FAM13C: variants seen among roughly 807,000 people sequenced by gnomAD.
The protein encoded by FAM13C is family with sequence similarity 13 member C.
A neutral mutation model predicts 73.2 loss-of-function variants in FAM13C; 37 were observed. The ratio of observed to expected loss-of-function variants is 0.51; its 90% CI spans 0.39 to 0.67. The LOEUF (loss-of-function observed/expected upper bound fraction) is 0.67. Among genes scored for constraint, FAM13C ranks in the 30% least tolerant of loss-of-function variants. The pLI is 0.00. For synonymous variants in FAM13C, 246 were observed against 260.9 expected (o/e 0.94, Z 0.55); for missense variants, 589 against 715.6 (o/e 0.82, Z 2.02).
chr10:59,291,292 G>A (rs960853120), intron 5 of FAM13C, among the ~76,000 whole-genome samples: 1 of 152,206 alleles, frequency 6.6e-6, no homozygotes, highest in Non-Finnish European at 1.5e-5. Context: ...AACACAGTGG[G>A]ACTTCTCCCA....
chr10:59,257,550 T>C (rs1203455217), intron 10 of FAM13C, among the ~76,000 whole-genome samples: 1 of 152,216 alleles, frequency 6.6e-6, no homozygotes, highest in Non-Finnish European at 1.5e-5. Context: ...CATTCTCTTC[T>C]CTGGACAGTG....
chr10:59,339,459 TAGGATGG>T (rs1422281519), intron 3 of FAM13C, among the ~76,000 whole-genome samples: 2 of 152,162 alleles, frequency 1.3e-5, no homozygotes, highest in African/African-American at 2.4e-5. Flanking sequence ...GAAAACTCAT[TAGGATGG>T]AATCCAAGGC....
At chr10:59,304,023 C>T (rs1847920152) in intron 4 of FAM13C, among the ~76,000 whole-genome samples, 1 of 152,102 alleles carries the variant, frequency 6.6e-6, no homozygotes, top group South Asian at 2.1e-4. Flanking sequence ...TGGCAGGCAC[C>T]TGTAGTCCCA....
intron 4 of FAM13C, among the ~76,000 whole-genome samples, chr10:59,315,253 AC>A (rs1171830662): frequency 1.3e-5 from 2 of 152,176 alleles, no homozygotes; most frequent in African/African-American, 4.8e-5. Flanking sequence ...CCCCAAAATT[AC>A]CACCACTAAA....
At chr10:59,312,423 C>T (rs529049186) in intron 4 of FAM13C, among the ~76,000 whole-genome samples, 150 of 152,268 alleles carry the variant, frequency 9.9e-4, no homozygotes, top group African/African-American at 3.3e-3. Flanking sequence ...TCTTCATTGT[C>T]ACCAGCACCT....
intron 9 of FAM13C, 34 bp from the exon 10 acceptor site, chr10:59,262,679 G>A: frequency 6.4e-7 from 1 of 1,563,578 alleles, no homozygotes; most frequent in Non-Finnish European, 8.8e-7. Flanking sequence ...CATAAGCAAA[G>A]AGAACCCACT....
intron 3 of FAM13C, among the ~76,000 whole-genome samples, chr10:59,346,206 G>GCAGAA (rs1854270251): frequency 2.9e-5 from 2 of 67,846 alleles, no homozygotes; most frequent in Non-Finnish European, 7.4e-5. Flanking sequence ...GTAGGGGAGG[G>GCAGAA]TAGAAATGGC....
At position 59,324,024 on chromosome 10, in the gene FAM13C, G is replaced by T. The variant is rs753179946; in HGVS notation, c.407C>A (p.Ala136Asp). The part of the protein sequence containing the change: ...TPAHESPQNN[A>D]FKCQETVRLQ... Reference sequence around the variant, plus strand: ...TCGCACTGTTTCTTGGCACTTGAAGGCATTGTTTTGTGGACTCTCATGAGC... The same window carrying T: ...TCGCACTGTTTCTTGGCACTTGAAGTCATTGTTTTGTGGACTCTCATGAGC... The change falls in exon 4 of 14, where the codon GCC becomes GAC. Residue 136 changes from alanine (A) to aspartate (D), a missense_variant. Ala to Asp is a moderately radical substitution (Grantham distance 126). Coordinates refer to ENST00000618804, the MANE Select transcript of FAM13C (RefSeq NM_198215.4). The T allele has an allele frequency of 1.2e-6, 2 of 1,614,056 alleles. No homozygotes were observed. Among genetic ancestry groups the T allele is most frequent in the South Asian group, 1.1e-5 (1 of 91,082 alleles).
intron 3 of FAM13C, among the ~76,000 whole-genome samples, chr10:59,343,080 G>C (rs1284763045): frequency 6.6e-6 from 1 of 152,190 alleles, no homozygotes; most frequent in Non-Finnish European, 1.5e-5. Context: ...CACAGGTTCA[G>C]CTGGCATAAC....
chr10:59,280,652 G>C (rs1433665490), intron 6 of FAM13C, among the ~76,000 whole-genome samples: 1 of 152,186 alleles, frequency 6.6e-6, no homozygotes, highest in Non-Finnish European at 1.5e-5. Flanking sequence ...CATTGGAAAA[G>C]CTTCCTGGTA....
chr10:59,252,623 T>C (rs1841503989), intron 12 of FAM13C, among the ~76,000 whole-genome samples, 176 bp downstream of exon 12: 1 of 152,156 alleles, frequency 6.6e-6, no homozygotes, highest in African/African-American at 2.4e-5. Flanking sequence ...TACTACCAAG[T>C]GGATTTCTAG....
At chr10:59,352,827 T>C (rs1455205626) in intron 2 of FAM13C, among the ~76,000 whole-genome samples, 1 of 152,204 alleles carries the variant, frequency 6.6e-6, no homozygotes, top group Non-Finnish European at 1.5e-5. Context: ...GATATCATCA[T>C]CTCTACTTTA....
chr10:59,291,935 C>T (rs1407075266), intron 5 of FAM13C, among the ~76,000 whole-genome samples: 1 of 151,698 alleles, frequency 6.6e-6, no homozygotes, highest in Non-Finnish European at 1.5e-5. Flanking sequence ...ACTACAGGCG[C>T]CCACCATCAC....
chr10:59,253,259 T>C (rs1328366390), intron 11 of FAM13C, among the ~76,000 whole-genome samples: 1 of 152,226 alleles, frequency 6.6e-6, no homozygotes, highest in Non-Finnish European at 1.5e-5. Context: ...TCTGGGCCAA[T>C]GAAGGCACAG....
intron 6 of FAM13C, among the ~76,000 whole-genome samples, chr10:59,274,912 T>C (rs1179424555): frequency 2.6e-5 from 4 of 152,184 alleles, no homozygotes; most frequent in South Asian, 4.2e-4. Context: ...TTATCCATCA[T>C]AGTGTGGAAT....
chr10:59,352,726 CATT>C (rs1302035930), intron 2 of FAM13C, among the ~76,000 whole-genome samples: 9 of 152,112 alleles, frequency 5.9e-5, no homozygotes, highest in African/African-American at 2.2e-4. Context: ...ATACACATAT[CATT>C]ATTATTATTT....
intron 10 of FAM13C, among the ~76,000 whole-genome samples, chr10:59,255,486 G>T (rs1426835115): frequency 6.6e-6 from 1 of 151,898 alleles, no homozygotes; most frequent in African/African-American, 2.4e-5. Context: ...GCTTGCATTG[G>T]TTTTTTCCTG....
At chr10:59,292,197 T>C (rs1385929247) in intron 5 of FAM13C, among the ~76,000 whole-genome samples, 1 of 152,212 alleles carries the variant, frequency 6.6e-6, no homozygotes, top group Non-Finnish European at 1.5e-5. Flanking sequence ...ACTTCAATAG[T>C]TTCTCAATGG....
intron 3 of FAM13C, among the ~76,000 whole-genome samples, chr10:59,329,798 C>T (rs1375751916): frequency 6.6e-6 from 1 of 152,182 alleles, no homozygotes; most frequent in Non-Finnish European, 1.5e-5. Context: ...TCACTGAGCG[C>T]TTGCTCTGTA....
Sources: gnomAD v4.1 joint callset for allele counts (sites outside exome capture counted in the v4.1 genomes callset) on GRCh38, gnomAD v4.1.1 for gene constraint, MANE v1.5 for transcripts, NCBI Gene and HGNC (gene_info 2026-07-23, HGNC 2026-07-21) for gene names.